LIX1: variants seen among roughly 807,000 people sequenced by gnomAD.
LIX1 encodes protein limb expression 1 homolog.
In LIX1, 24 loss-of-function variants were observed where a neutral mutation model predicts 33.4. The ratio of observed to expected loss-of-function variants is 0.72; its 90% confidence interval spans 0.52 to 1.01. LIX1 has a LOEUF of 1.01. Among genes scored for constraint, LIX1 ranks in the 50% least tolerant of loss-of-function variants. The pLI is 0.00. For synonymous variants in LIX1, 124 were observed against 124.0 expected (o/e 1.00, Z 0.00); for missense variants, 311 against 339.2 (o/e 0.92, Z 0.65).
At chr5:97,103,088 C>T in intron 4 of LIX1, 1 of 451,916 alleles carries the variant, frequency 2.2e-6, no homozygotes, top group Non-Finnish European at 4.4e-6. Flanking sequence ...GCAGACTTCA[C>T]ACATAGGTCT....
chr5:97,124,743 G>A, intron 1 of LIX1, 114 bp from the exon 2 acceptor site: 1 of 767,924 alleles, frequency 1.3e-6, no homozygotes, highest in Non-Finnish European at 2.0e-6. Context: ...TTTAAGTAGA[G>A]CTGGGTATGT....
rs781545420 is a variant in LIX1, at chr5:97,107,345, A to G, written c.387+15T>C. The stretch of plus-strand genomic sequence containing the variant: ...TCAGTGCAGCCATCTCCTGCCCTCC[A>G]TGGTGGGTACTCACGCTGGTGGAGG... On this transcript the variant is annotated intron_variant, in intron 3 of 5. Transcript: ENST00000274382. 24 of 1,610,362 alleles carry G rather than the reference A, an allele frequency of 1.5e-5. No homozygotes were observed. In the Admixed American group the frequency reaches 3.5e-4, roughly 24 times the overall value.
chr5:97,132,922 C>T (rs1388755720), intron 1 of LIX1, among the ~76,000 whole-genome samples: 1 of 152,110 alleles, frequency 6.6e-6, no homozygotes, highest in Non-Finnish European at 1.5e-5. Flanking sequence ...GATGAAGCCC[C>T]TTCAGAGAAG....
In LIX1 at chr5:97,141,281, T is replaced by C. The variant is rs117913583; in HGVS notation, c.82+1214A>G. Among the ~76,000 whole-genome samples the C allele has an allele frequency of 3.8e-3, 577 of 152,292 alleles. 13 individuals carry two copies. The highest frequency in any genetic ancestry group is 0.029 in the Admixed American group (444 of 15,294). On this transcript the variant is annotated intron_variant, in intron 1 of 5. Coordinates refer to ENST00000274382, the MANE Select transcript of LIX1 (RefSeq NM_153234.5). Reference sequence around the variant, plus strand: ...AGAGAGACATTCTTTCCTCCCCTTTTCGCTTAAAAAACATAACAAACCTGA... The same window carrying C: ...AGAGAGACATTCTTTCCTCCCCTTTCCGCTTAAAAAACATAACAAACCTGA...
At chr5:97,142,473 C>G (rs747097641) in intron 1 of LIX1, 22 bp downstream of exon 1, 1 of 1,590,890 alleles carries the variant, frequency 6.3e-7, no homozygotes, top group South Asian at 1.1e-5. Context: ...AGTCAAAAAA[C>G]TTTTCCCCCT....
intron 2 of LIX1, among the ~76,000 whole-genome samples, chr5:97,117,437 C>T (rs1426462017): frequency 2.6e-5 from 4 of 152,190 alleles, no homozygotes; most frequent in Non-Finnish European, 4.4e-5. Flanking sequence ...TTATTTAACG[C>T]TCAGCAAAAA....
rs1037398341 is a variant in LIX1 at position 97,092,334 on chromosome 5, G to A, written c.*2414C>T. 1.3e-5 allele frequency: 2 copies of A among 152,212 alleles called. No individual in the cohort carries two copies. Among genetic ancestry groups the A allele is most frequent in the African/African-American group, 4.8e-5 (2 of 41,394 alleles). The allele number at this position is 152,212 out of a possible 1,614,324, so 9.4% of individuals were successfully genotyped here. A position where few individuals can be genotyped will look rare whatever the true frequency, so the allele number is the denominator to read the frequency against. ...ACCCAGAGCTTCATGTGTTTAAATAGGGAATCTTCCACTCTAGTCCCCTTT... is the reference window on the plus strand; with the variant it reads ...ACCCAGAGCTTCATGTGTTTAAATAAGGAATCTTCCACTCTAGTCCCCTTT... On this transcript the variant is annotated 3_prime_UTR_variant, in exon 6 of 6. Transcript: ENST00000274382.
chr5:97,114,850 G>A (rs891837339), intron 2 of LIX1, among the ~76,000 whole-genome samples: 2 of 152,110 alleles, frequency 1.3e-5, no homozygotes, highest in African/African-American at 4.8e-5. Flanking sequence ...AAAGATTGGC[G>A]TTGTGATTTA....
At chr5:97,098,409 T>C (rs971629976) in intron 4 of LIX1, among the ~76,000 whole-genome samples, 2 of 152,212 alleles carry the variant, frequency 1.3e-5, no homozygotes, top group East Asian at 3.8e-4. Context: ...AATTAGAAGT[T>C]TTCCACTGAA....
chr5:97,096,419 C>G (rs1406511697), intron 5 of LIX1, among the ~76,000 whole-genome samples: 1 of 152,182 alleles, frequency 6.6e-6, no homozygotes, highest in Non-Finnish European at 1.5e-5. Flanking sequence ...AACTTGGCCA[C>G]TCTCCAGTGA....
At chr5:97,133,518 G>A (rs1244242033) in intron 1 of LIX1, among the ~76,000 whole-genome samples, 1 of 152,198 alleles carries the variant, frequency 6.6e-6, no homozygotes, top group African/African-American at 2.4e-5. Flanking sequence ...AACTGTTCCT[G>A]TTTTGGAAAC....
intron 2 of LIX1, among the ~76,000 whole-genome samples, chr5:97,109,086 C>T (rs1747223508): frequency 6.6e-6 from 1 of 152,124 alleles, no homozygotes; most frequent in African/African-American, 2.4e-5. Context: ...CTCTCCTCCC[C>T]ATCTCCACAA....
chr5:97,106,076 A>T lies in LIX1; in HGVS notation c.388-791T>A, dbSNP rs192993880. Among the ~76,000 whole-genome samples the T allele has an allele frequency of 1.4e-4, 22 of 152,222 alleles. No individual in the cohort carries two copies. In the East Asian group the frequency reaches 3.9e-3, roughly 27 times the overall value. On this transcript the variant is annotated intron_variant, in intron 3 of 5. Coordinates refer to ENST00000274382, the MANE Select transcript of LIX1 (RefSeq NM_153234.5). ...GCTGAAATATTTATGTTGGCTTTTT[A>T]AATATCCCAGAGGAAATCCATCTAG...
chr5:97,096,329 G>A (rs979437244), intron 5 of LIX1, among the ~76,000 whole-genome samples: 1 of 152,128 alleles, frequency 6.6e-6, no homozygotes, highest in East Asian at 1.9e-4. Flanking sequence ...ATTAAATGCC[G>A]GCTTGTCAGA....
intron 1 of LIX1, among the ~76,000 whole-genome samples, chr5:97,129,471 C>A (rs976717726): frequency 2.6e-5 from 4 of 152,102 alleles, no homozygotes; most frequent in African/African-American, 4.8e-5. Flanking sequence ...TCCTATCCTC[C>A]TAATGTACCT....
chr5:97,102,484 A>G (rs61601400), intron 4 of LIX1, among the ~76,000 whole-genome samples: 1,700 of 152,260 alleles, frequency 0.011, 27 homozygotes, highest in African/African-American at 0.039. Flanking sequence ...TATCCCTACT[A>G]GGGAAGGGAG....
intron 3 of LIX1, among the ~76,000 whole-genome samples, chr5:97,105,561 C>T (rs376470292): frequency 6.6e-6 from 1 of 152,204 alleles, no homozygotes; most frequent in African/African-American, 2.4e-5. Flanking sequence ...GTGGTGTTAA[C>T]ATTTGCATGG....
At chr5:97,124,847 T>C (rs1008105242) in intron 1 of LIX1, among the ~76,000 whole-genome samples, 44 of 152,314 alleles carry the variant, frequency 2.9e-4, no homozygotes, top group Admixed American at 2.4e-3. Context: ...GAACCTGTTA[T>C]TTACAAATGC....
intron 2 of LIX1, among the ~76,000 whole-genome samples, chr5:97,116,737 T>G (rs956581024): frequency 3.9e-5 from 6 of 152,128 alleles, no homozygotes; most frequent in African/African-American, 1.2e-4. Context: ...CAAGACGAAT[T>G]GATCAGGGCT....
Sources: gnomAD v4.1 joint callset for allele counts (sites outside exome capture counted in the v4.1 genomes callset) on GRCh38, gnomAD v4.1.1 for gene constraint, MANE v1.5 for transcripts, NCBI Gene and HGNC (gene_info 2026-07-23, HGNC 2026-07-21) for gene names.